The following SPPL2A variants were observed in gnomAD, a reference collection of about 807,000 sequenced individuals.
The protein encoded by SPPL2A is signal peptide peptidase-like 2A.
In SPPL2A, 51 loss-of-function variants were observed where a neutral mutation model predicts 63.8. That is an observed-to-expected ratio of 0.80 (90% CI 0.64 to 1.01). The LOEUF is 1.01. Ranked by LOEUF, SPPL2A falls within the 50% of genes least tolerant of loss-of-function variation. The pLI is 0.00. For synonymous variants in SPPL2A, 188 were observed against 205.8 expected (o/e 0.91, Z 0.74); for missense variants, 553 against 622.7 (o/e 0.89, Z 1.19).
intron 5 of SPPL2A, among the ~76,000 whole-genome samples, chr15:50,744,790 T>C (rs2062845895): frequency 6.6e-6 from 1 of 152,216 alleles, no homozygotes; most frequent in African/African-American, 2.4e-5. Flanking sequence ...AGACTACAGA[T>C]GCTTTGCGCC....
At chr15:50,726,219 A>C in intron 11 of SPPL2A, 102 bp downstream of exon 11, 1 of 1,458,818 alleles carries the variant, frequency 6.9e-7, no homozygotes, top group Admixed American at 1.9e-5. Context: ...ACAATACCTT[A>C]ACATGCACTA....
intron 2 of SPPL2A, 120 bp downstream of exon 2, chr15:50,749,516 G>C (rs2062888855): frequency 1.5e-6 from 1 of 686,266 alleles, no homozygotes; most frequent in Non-Finnish European, 2.6e-6. Context: ...TTGATCTCCT[G>C]ACCTCATGAT....
At chr15:50,747,767 A>G in intron 4 of SPPL2A, 139 bp from the exon 5 acceptor site, 5 of 648,126 alleles carry the variant, frequency 7.7e-6, no homozygotes, top group Non-Finnish European at 1.3e-5. Flanking sequence ...GTCTGATGAC[A>G]TGATATATTC....
intron 10 of SPPL2A, among the ~76,000 whole-genome samples, chr15:50,727,840 A>C (rs2062698043): frequency 6.6e-6 from 1 of 152,254 alleles, no homozygotes; most frequent in African/African-American, 2.4e-5. Flanking sequence ...AATCAGACTC[A>C]GAAGAAGGTA....
Position 50,722,201 on chromosome 15 carries a change from C to T in SPPL2A, c.1250G>A (p.Gly417Asp). The change falls in exon 13 of 15, where the codon GGC (glycine) becomes GAC (aspartate). Residue 417 changes from glycine to aspartate, a missense_variant and splice_region_variant. By Grantham distance (94) the Gly-to-Asp change is moderately conservative. Coordinates refer to ENST00000261854, the MANE Select transcript of SPPL2A (RefSeq NM_032802.4). ...ILGFGDIIVP[G>D]LLIAYCRRFD... ...TCTTCTACAGTATGCAATCAACAGGCCTTAAAAACAAAACAAAACATTATT... is the reference window on the plus strand; with the variant it reads ...TCTTCTACAGTATGCAATCAACAGGTCTTAAAAACAAAACAAAACATTATT... 6.4e-7 allele frequency: 1 copy of T among 1,565,724 alleles called. No individual in the cohort carries two copies. The highest frequency in any genetic ancestry group is 8.8e-7 in the Non-Finnish European group (1 of 1,141,146).
Position 50,748,195 on chromosome 15 carries a change from G to T in SPPL2A, c.368C>A (p.Pro123His). ...AGGAAATTCAGATCTGTTACCTGAG[G>T]GAGGAAACTAAAAAAGAAAAAATTA... ...LVVNNSVLFP[P>H]SGNRSEFPDV... The change falls in exon 4 of 15, where the codon CCC becomes CAC. Residue 123 changes from proline to histidine, a missense_variant. By Grantham distance (77) the Pro-to-His change is moderately conservative. Coordinates refer to ENST00000261854, the MANE Select transcript of SPPL2A (RefSeq NM_032802.4). 2.8e-6 allele frequency: 4 copies of T among 1,447,006 alleles called. No individual in the cohort carries two copies. The highest frequency in any genetic ancestry group is 3.0e-5 in the South Asian group (2 of 67,158). The allele number at this position is 1,447,006 out of a possible 1,614,324, so 89.6% of individuals were successfully genotyped here.
intron 1 of SPPL2A, among the ~76,000 whole-genome samples, chr15:50,760,230 C>A (rs1200993091): frequency 6.6e-6 from 1 of 151,678 alleles, no homozygotes; most frequent in Non-Finnish European, 1.5e-5. Context: ...CCTCACATGG[C>A]AAAGAGAGAG....
intron 3 of SPPL2A, 84 bp from the exon 4 acceptor site, chr15:50,748,286 CGTCT>C (rs1376358756): frequency 1.5e-5 from 8 of 539,916 alleles, no homozygotes; most frequent in Non-Finnish European, 2.1e-5. Context: ...ATAAATATTA[CGTCT>C]TTCTTTAAGT....
chr15:50,757,616 G>A (rs750367605), intron 1 of SPPL2A, among the ~76,000 whole-genome samples: 5 of 152,110 alleles, frequency 3.3e-5, no homozygotes, highest in Non-Finnish European at 5.9e-5. Flanking sequence ...AAGGAAGCAA[G>A]TTTACTAGCC....
At position 50,732,211 on chromosome 15, in the gene SPPL2A, T is replaced by C. The variant is rs577246771; in HGVS notation, c.1014+392A>G. On this transcript the variant is annotated intron_variant, in intron 9 of 14. Transcript: ENST00000261854. Reference sequence around the variant, plus strand: ...TTAGAAGGGGTGAGGGATGAGAAATTACTTAATGGGGACAAAACACATTAG... The same window carrying C: ...TTAGAAGGGGTGAGGGATGAGAAATCACTTAATGGGGACAAAACACATTAG... 2.6e-5 allele frequency among the ~76,000 whole-genome samples: 4 copies of C among 152,188 alleles called. No homozygotes were observed. In the South Asian group the frequency reaches 8.3e-4, roughly 32 times the overall value.
rs145144226 is a variant in SPPL2A, at chr15:50,733,395, C to T, written c.933-711G>A. 2.7e-3 allele frequency among the ~76,000 whole-genome samples: 414 copies of T among 152,214 alleles called. 3 individuals carry two copies. Among genetic ancestry groups the T allele is most frequent in the African/African-American group, 9.3e-3 (385 of 41,526 alleles). ...TATATTTTTTCTGGTTATCTTCCTACAAATGAACAGATATCTGTATATTTT... is the reference window on the plus strand; with the variant it reads ...TATATTTTTTCTGGTTATCTTCCTATAAATGAACAGATATCTGTATATTTT... On this transcript the variant is annotated intron_variant, in intron 8 of 14. Coordinates refer to ENST00000261854, the MANE Select transcript of SPPL2A (RefSeq NM_032802.4).
chr15:50,744,396 C>T (rs924608911), intron 5 of SPPL2A, among the ~76,000 whole-genome samples: 4 of 152,084 alleles, frequency 2.6e-5, no homozygotes, highest in African/African-American at 7.2e-5. Context: ...ATAACCTTAG[C>T]TTCATTTAGT....
intron 10 of SPPL2A, among the ~76,000 whole-genome samples, chr15:50,729,395 C>A (rs569257217): frequency 1.3e-5 from 2 of 152,266 alleles, no homozygotes; most frequent in South Asian, 4.1e-4. Flanking sequence ...TTTGGTTAGG[C>A]CAGGCATATG....
At chr15:50,764,956 G>A (rs1305845387) in intron 1 of SPPL2A, among the ~76,000 whole-genome samples, 1 of 151,670 alleles carries the variant, frequency 6.6e-6, no homozygotes, top group African/African-American at 2.4e-5. Flanking sequence ...GAGCCCTAAG[G>A]CGAAGCAGGA....
Position 50,729,717 on chromosome 15 carries a change from A to G in SPPL2A, c.1089+1248T>C, listed in dbSNP as rs74803682. 5.3e-3 allele frequency among the ~76,000 whole-genome samples: 814 copies of G among 152,316 alleles called. 8 individuals carry two copies. Among genetic ancestry groups the G allele is most frequent in the African/African-American group, 0.019 (781 of 41,588 alleles). ...GCTGTATTTTGGGACAGTTAATTATATTTGTTACCTATTACAATTTTAGCT... is the reference window on the plus strand; with the variant it reads ...GCTGTATTTTGGGACAGTTAATTATGTTTGTTACCTATTACAATTTTAGCT... On this transcript the variant is annotated intron_variant, in intron 10 of 14. Coordinates refer to ENST00000261854, the MANE Select transcript of SPPL2A (RefSeq NM_032802.4).
intron 10 of SPPL2A, among the ~76,000 whole-genome samples, chr15:50,728,958 C>T (rs1265622511): frequency 3.9e-5 from 6 of 152,008 alleles, no homozygotes; most frequent in Non-Finnish European, 5.9e-5. Flanking sequence ...GGATTACAGG[C>T]GCCCACCACT....
intron 5 of SPPL2A, 32 bp from the exon 6 acceptor site, chr15:50,739,860 T>C: frequency 6.5e-7 from 1 of 1,546,108 alleles, no homozygotes; most frequent in Non-Finnish European, 8.7e-7. Flanking sequence ...TTAGCAAATC[T>C]TAGCCAAGTA....
rs1432543571 is a variant in SPPL2A at position 50,703,401 on chromosome 15, C to T, written c.*4399G>A. The T allele has an allele frequency of 4.2e-5, 5 of 117,976 alleles. No homozygotes were observed. Among genetic ancestry groups the T allele is most frequent in the South Asian group, 2.7e-4 (1 of 3,644 alleles). 7.3% of individuals were successfully genotyped at this position (117,976 alleles called of 1,614,324 possible). A position where few individuals can be genotyped will look rare whatever the true frequency, so the allele number is the denominator to read the frequency against. On this transcript the variant is annotated 3_prime_UTR_variant, in exon 15 of 15. Coordinates refer to ENST00000261854, the MANE Select transcript of SPPL2A (RefSeq NM_032802.4). ...TTTTTGAGATGGAGTCTCGCTCTGT[C>T]GCCCAGGCTGGAGTGCAGTGGTGTG...
At chr15:50,718,501 C>A (rs1408741111) in intron 14 of SPPL2A, among the ~76,000 whole-genome samples, 4 of 152,002 alleles carry the variant, frequency 2.6e-5, no homozygotes, top group Non-Finnish European at 5.9e-5. Flanking sequence ...TTTTAAAAAT[C>A]TATAAAAAAC....
Sources: allele counts gnomAD v4.1 joint callset (sites outside exome capture counted in the v4.1 genomes callset), GRCh38; gene constraint gnomAD v4.1.1; transcripts MANE v1.5; gene names NCBI Gene and HGNC (gene_info 2026-07-23, HGNC 2026-07-21).